Variants in LDB3 observed in about 807,000 individuals in gnomAD.
LDB3 encodes LIM domain binding 3.
In LDB3, 49 loss-of-function variants were observed where a neutral mutation model predicts 69.0. The observed-to-expected ratio is 0.71, with a 90% CI of 0.56 to 0.90. The LOEUF (loss-of-function observed/expected upper bound fraction) is 0.90. LDB3 is among the 40% of genes least tolerant of loss of function. The pLI, the probability that LDB3 is intolerant of heterozygous loss-of-function variation, is 0.00. For synonymous variants in LDB3, 387 were observed against 396.2 expected, an observed-to-expected ratio of 0.98 and a Z score of 0.28; for missense variants, 928 against 974.1, an observed-to-expected ratio of 0.95 and a Z score of 0.63.
chr10:86,689,346 G>A (rs1845652489), intron 5 of LDB3, among the ~76,000 whole-genome samples: 1 of 152,126 alleles, frequency 6.6e-6, no homozygotes, highest in Non-Finnish European at 1.5e-5. Context: ...TGGGTTTGGT[G>A]GGATGTGTCT....
rs763481542 is a variant in LDB3 at position 86,692,024 on chromosome 10, G to C, written c.818G>C (p.Arg273Pro). Residue 273 changes from arginine to proline, a missense_variant, in exon 6 of 14, where the codon CGC (arginine) becomes CCC (proline). Coordinates refer to ENST00000361373, the MANE Select transcript of LDB3 (RefSeq NM_007078.3). ...CGCCGTTCCTCCAACCTGCAGTCTCGCTCCTTCCGCATCCTGGCCCAGATG... is the reference window on the plus strand; with the variant it reads ...CGCCGTTCCTCCAACCTGCAGTCTCCCTCCTTCCGCATCCTGGCCCAGATG... ...WARRSSNLQS[R>P]SFRILAQMTG... The C allele has an allele frequency of 6.2e-7, 1 of 1,614,130 alleles. No individual in the cohort carries two copies. Among genetic ancestry groups the C allele is most frequent in the Non-Finnish European group, 8.5e-7 (1 of 1,180,042 alleles).
In LDB3 at chr10:86,681,696, A is replaced by G; in HGVS notation, c.582A>G (p.Gln194=). 1.2e-6 allele frequency: 2 copies of G among 1,613,646 alleles called. No individual in the cohort carries two copies. The highest frequency in any genetic ancestry group is 1.7e-6 in the Non-Finnish European group (2 of 1,179,894). ...KALPGSSQPR[Q]YNNPIGLYSA... ...TGCCGGGCTCGAGCCAGCCGAGGCA[A>G]TATAACAACCCCATTGGCCTGTACT... The change falls in exon 5 of 14, where the codon CAA becomes CAG. Residue 194 remains glutamine, a synonymous_variant. Transcript: ENST00000361373.
intron 13 of LDB3, among the ~76,000 whole-genome samples, chr10:86,730,553 T>TA (rs1200587549): frequency 1.3e-5 from 2 of 152,102 alleles, no homozygotes. Context: ...TTCTATGGGG[T>TA]AGGGGAAAAA....
intron 7 of LDB3, among the ~76,000 whole-genome samples, chr10:86,694,624 T>C (rs191375940): frequency 9.2e-5 from 14 of 152,292 alleles, no homozygotes; most frequent in Admixed American, 2.6e-4. Flanking sequence ...TGGAGAGTTA[T>C]CCTCGTGGGC....
In LDB3 at chr10:86,691,966, A is replaced by G; in HGVS notation, c.760A>G (p.Asn254Asp). ...CTACCAGGCTGTGATTAAGAGCCAG[A>G]ACAAGCCAGAAGATGAGGCTGACGA... ...PVYQAVIKSQ[N>D]KPEDEADEWA... Residue 254 changes from asparagine (N) to aspartate (D), a missense_variant, in exon 6 of 14, where the codon AAC becomes GAC. Asn to Asp is a conservative substitution (Grantham distance 23). Transcript: ENST00000361373. 1.2e-6 allele frequency: 2 copies of G among 1,614,184 alleles called. No homozygotes were observed. The highest frequency in any genetic ancestry group is 1.7e-6 in the Non-Finnish European group (2 of 1,180,038).
At chr10:86,711,212 G>T (rs994143324) in intron 9 of LDB3, among the ~76,000 whole-genome samples, 3 of 152,158 alleles carry the variant, frequency 2.0e-5, no homozygotes, top group African/African-American at 7.2e-5. Flanking sequence ...TCCTGGGGAG[G>T]CGCTTCTGGC....
chr10:86,716,601 G>T lies in LDB3; in HGVS notation c.1506G>T (p.Pro502=). 1 of 1,613,764 alleles carries T rather than the reference G, an allele frequency of 6.2e-7. No homozygotes were observed. The highest frequency in any genetic ancestry group is 8.5e-7 in the Non-Finnish European group (1 of 1,179,952). The change falls in exon 10 of 14, where the codon CCG becomes CCT. Residue 502 remains proline, a synonymous_variant. Coordinates refer to ENST00000361373, the MANE Select transcript of LDB3 (RefSeq NM_007078.3). ...ATAGCTTCTCCCAGAAGTTTGCCCC[G>T]GGCAAGAGCACCACCTCCATCAGCA... ...TDDSFSQKFA[P]GKSTTSISKQ... is the part of the protein sequence containing the mutation.
intron 13 of LDB3, among the ~76,000 whole-genome samples, chr10:86,730,882 G>A (rs980866146): frequency 6.6e-6 from 1 of 152,126 alleles, no homozygotes; most frequent in Admixed American, 6.5e-5. Flanking sequence ...GCTGGGCGTG[G>A]TGGCTCACGC....
chr10:86,692,476 A>C, intron 6 of LDB3, 59 bp from the exon 7 acceptor site: 1 of 1,561,666 alleles, frequency 6.4e-7, no homozygotes, highest in Non-Finnish European at 8.8e-7. Flanking sequence ...ACAGAGCCCC[A>C]GCAGCTTTCC....
chr10:86,693,071 C>T (rs1329830028), intron 7 of LDB3, among the ~76,000 whole-genome samples: 2 of 150,104 alleles, frequency 1.3e-5, no homozygotes, highest in Non-Finnish European at 3.0e-5. Flanking sequence ...TTGCTCAAAG[C>T]AAAATAGTTG....
chr10:86,672,832 C>G (rs1377726547), intron 2 of LDB3, among the ~76,000 whole-genome samples: 3 of 152,236 alleles, frequency 2.0e-5, no homozygotes, highest in African/African-American at 7.2e-5. Flanking sequence ...GGCCAGGACA[C>G]CGTGCAAGGG....
intron 12 of LDB3, 65 bp from the exon 13 acceptor site, chr10:86,726,072 G>T: frequency 8.7e-7 from 1 of 1,144,212 alleles, no homozygotes; most frequent in Admixed American, 1.7e-5. Flanking sequence ...TTTGGGGTTT[G>T]TCTTGGCTTT....
chr10:86,680,771 C>T (rs1380940096), intron 4 of LDB3, among the ~76,000 whole-genome samples: 1 of 152,246 alleles, frequency 6.6e-6, no homozygotes, highest in Non-Finnish European at 1.5e-5. Flanking sequence ...GCAGCTCAAC[C>T]CCCGAGGGCT....
rs766817285 is a variant in LDB3, at chr10:86,668,721, C to T, written c.30C>T (p.Pro10=). ...CTTACAGTGTGACCCTGACTGGGCC[C>T]GGGCCCTGGGGCTTCCGTCTGCAGG... The part of the protein sequence containing the change: MSYSVTLTG[P]GPWGFRLQGG... The change falls in exon 2 of 14, where the codon CCC becomes CCT. Residue 10 remains proline (P), a synonymous_variant. Transcript: ENST00000361373. The T allele has an allele frequency of 6.8e-6, 11 of 1,613,404 alleles. No individual in the cohort carries two copies. The highest frequency in any genetic ancestry group is 2.2e-5 in the East Asian group (1 of 44,864).
Position 86,699,406 on chromosome 10 carries a change from G to A in LDB3, c.896+6835G>A. 1 of 1,612,902 alleles carries A rather than the reference G, an allele frequency of 6.2e-7. No individual in the cohort carries two copies. The highest frequency in any genetic ancestry group is 8.5e-7 in the Non-Finnish European group (1 of 1,179,624). On this transcript the variant is annotated intron_variant, in intron 7 of 13. Transcript: ENST00000361373. This position sits in a 1 kb window ranked among gnomAD's most constrained non-coding sequence, Gnocchi z 4.9. ...GCCTGGAATCCCCCCACCCCAACAG[G>A]CTGGACTCCCTCCATCCTTACCCCC... is the stretch of plus-strand genomic sequence containing the variant.
At chr10:86,730,975 A>G (rs749371887) in intron 13 of LDB3, among the ~76,000 whole-genome samples, 9 of 151,816 alleles carry the variant, frequency 5.9e-5, no homozygotes, top group Non-Finnish European at 1.0e-4. Context: ...CAACATGGTG[A>G]AACCCTGTCT....
intron 9 of LDB3, among the ~76,000 whole-genome samples, chr10:86,715,525 T>C (rs55851450): frequency 0.24 from 36,086 of 151,950 alleles, 4,768 homozygotes; most frequent in East Asian, 0.6. Context: ...AGAAGTGAGG[T>C]GGTGCATTCT....
At chr10:86,667,805 G>A (rs1247191315), upstream of LDB3, among the ~76,000 whole-genome samples, 2 of 152,212 alleles carry the variant, frequency 1.3e-5, no homozygotes, top group African/African-American at 4.8e-5. Context: ...GCAGGCAGAG[G>A]GCCAGCTGCC....
At chr10:86,708,959 A>T (rs1415347463) in intron 8 of LDB3, among the ~76,000 whole-genome samples, 2 of 152,198 alleles carry the variant, frequency 1.3e-5, no homozygotes, top group Non-Finnish European at 2.9e-5. Context: ...GCAGAAAGCC[A>T]TGTGGGGGTG....
Sources: allele counts gnomAD v4.1 joint callset (sites outside exome capture counted in the v4.1 genomes callset), GRCh38; gene constraint gnomAD v4.1.1; non-coding constraint Gnocchi (gnomAD v3.1); transcripts MANE v1.5; gene names NCBI Gene and HGNC (gene_info 2026-07-23, HGNC 2026-07-21).